DNAH12: variants seen among roughly 807,000 people sequenced by gnomAD.
DNAH12 encodes axonemal beta dynein heavy chain 12.
In DNAH12, 285 loss-of-function variants were observed where a neutral mutation model predicts 371.5. The observed-to-expected ratio is 0.77, with a 90% CI of 0.70 to 0.85. The LOEUF (loss-of-function observed/expected upper bound fraction) is 0.85, where lower values mean the gene tolerates loss of function less well. DNAH12 is among the 40% of genes least tolerant of loss of function. The pLI is 0.00. For synonymous variants in DNAH12, 1,200 were observed against 1,213.0 expected, an observed-to-expected ratio of 0.99 and a Z score of 0.22; for missense variants, 3,611 against 3,689.4, an observed-to-expected ratio of 0.98 and a Z score of 0.55.
intron 52 of DNAH12, among the ~76,000 whole-genome samples, chr3:57,378,820 C>G (rs2063331784): frequency 6.6e-6 from 1 of 152,186 alleles, no homozygotes; most frequent in Non-Finnish European, 1.5e-5. Flanking sequence ...TAATCTGGCA[C>G]TTTCCCCTTG....
In DNAH12 at chr3:57,314,717, T is replaced by A. The variant is rs890304424; in HGVS notation, c.10525-86A>T. The A allele has an allele frequency of 5.8e-6, 8 of 1,374,458 alleles. No homozygotes were observed. The African/African-American group carries it at 5.9e-5, about 10-fold the overall frequency. The allele number at this position is 1,374,458 out of a possible 1,614,324, so 85.1% of individuals were successfully genotyped here. A position where few individuals can be genotyped will look rare whatever the true frequency, so the allele number is the denominator to read the frequency against. Reference sequence around the variant, plus strand: ...GAGAGGAATAGATAAATGATCTTTCTCACAAGATTCTGTGATCACGTATCT... The same window carrying A: ...GAGAGGAATAGATAAATGATCTTTCACACAAGATTCTGTGATCACGTATCT... On this transcript the variant is annotated intron_variant, in intron 65 of 73. Coordinates refer to ENST00000495027, the MANE Select transcript of DNAH12 (RefSeq NM_001366028.2).
chr3:57,376,221 G>GAAA (rs1182466919), intron 53 of DNAH12, among the ~76,000 whole-genome samples: 3 of 138,174 alleles, frequency 2.2e-5, no homozygotes, highest in African/African-American at 7.9e-5. Flanking sequence ...TTCAGAAAAA[G>GAAA]AAAAAAAAAA....
intron 55 of DNAH12, among the ~76,000 whole-genome samples, chr3:57,373,318 A>ATTTT (rs36162551): frequency 6.9e-6 from 1 of 144,236 alleles, no homozygotes; most frequent in African/African-American, 2.6e-5. Flanking sequence ...TACTCAACTG[A>ATTTT]TTTTTTTTTT....
intron 43 of DNAH12, among the ~76,000 whole-genome samples, chr3:57,397,063 A>G (rs1217485431): frequency 6.6e-6 from 1 of 152,208 alleles, no homozygotes; most frequent in African/African-American, 2.4e-5. Flanking sequence ...GAATATTATG[A>G]AAATCCTTAC....
intron 20 of DNAH12, among the ~76,000 whole-genome samples, chr3:57,459,248 T>C (rs934519054): frequency 1.8e-4 from 27 of 152,134 alleles, no homozygotes; most frequent in Non-Finnish European, 3.1e-4. Context: ...TCATTCTCTC[T>C]CCCTCTCTCT....
intron 4 of DNAH12, among the ~76,000 whole-genome samples, chr3:57,516,272 C>T (rs1310440998): frequency 2.6e-5 from 4 of 151,736 alleles, no homozygotes; most frequent in African/African-American, 9.7e-5. Context: ...CCATGTTGGT[C>T]AGGCTGGTCT....
intron 60 of DNAH12, among the ~76,000 whole-genome samples, chr3:57,336,984 C>A (rs371136094): frequency 6.6e-6 from 1 of 152,016 alleles, no homozygotes; most frequent in East Asian, 1.9e-4. Flanking sequence ...TAAAAAACAC[C>A]CAACTATATG....
intron 69 of DNAH12, among the ~76,000 whole-genome samples, chr3:57,302,230 G>A (rs939543926): frequency 1.3e-5 from 2 of 152,042 alleles, no homozygotes; most frequent in African/African-American, 4.8e-5. Flanking sequence ...AGCAGACAAT[G>A]ATTTAAGGAA....
Position 57,311,022 on chromosome 3 carries a change from C to CTATG in DNAH12, c.10663-73_10663-72insCATA, listed in dbSNP as rs201313670. ...CTTCATTTCCATTTTAAGTATGTAT[C>CTATG]TATCTATCTAGAAAGGGGGTTGAAA... On this transcript the variant is annotated intron_variant, in intron 66 of 73. Coordinates refer to ENST00000495027, the MANE Select transcript of DNAH12 (RefSeq NM_001366028.2). 704 of 1,051,476 alleles carry CTATG rather than the reference C, an allele frequency of 6.7e-4. 10 individuals are homozygous for CTATG. In the African/African-American group the frequency reaches 9.7e-3, roughly 14 times the overall value. 65.1% of individuals were successfully genotyped at this position (1,051,476 alleles called of 1,614,324 possible). A position where few individuals can be genotyped will look rare whatever the true frequency, so the allele number is the denominator to read the frequency against.
intron 60 of DNAH12, among the ~76,000 whole-genome samples, chr3:57,335,175 T>G (rs2062194638): frequency 6.6e-6 from 1 of 152,322 alleles, no homozygotes; most frequent in East Asian, 1.9e-4. Flanking sequence ...TCCCCGTTCC[T>G]CAGCAGGCTG....
At chr3:57,410,347 A>G (rs1367500829) in intron 39 of DNAH12, among the ~76,000 whole-genome samples, 1 of 151,946 alleles carries the variant, frequency 6.6e-6, no homozygotes, top group Non-Finnish European at 1.5e-5. Flanking sequence ...GCGATCTTTG[A>G]TGTTACTATT....
At chr3:57,489,291 A>T (rs543855756) in intron 12 of DNAH12, among the ~76,000 whole-genome samples, 22 of 152,184 alleles carry the variant, frequency 1.4e-4, no homozygotes, top group South Asian at 4.2e-4. Flanking sequence ...TTTCTTTTTT[A>T]AAAAAATCCT....
Position 57,359,394 on chromosome 3 carries a change from T to TA in DNAH12, c.9361-2047dup, listed in dbSNP as rs1256404042. 4.1e-3 allele frequency among the ~76,000 whole-genome samples: 626 copies of TA among 151,598 alleles called. 5 individuals carry two copies. Among genetic ancestry groups the TA allele is most frequent in the African/African-American group, 0.014 (595 of 41,392 alleles). ...GACCAATATGGAGAAACCCCATCTCTACTAAAAATACAAAATTAGCCGGAC... is the reference window on the plus strand; with the variant it reads ...GACCAATATGGAGAAACCCCATCTCTAACTAAAAATACAAAATTAGCCGGAC... On this transcript the variant is annotated intron_variant, in intron 58 of 73. Coordinates refer to ENST00000495027, the MANE Select transcript of DNAH12 (RefSeq NM_001366028.2).
chr3:57,359,109 C>T (rs2062863446), intron 58 of DNAH12, among the ~76,000 whole-genome samples: 5 of 151,904 alleles, frequency 3.3e-5, no homozygotes, highest in Non-Finnish European at 7.4e-5. Context: ...TAAATAATAA[C>T]TTAATTAGTA....
chr3:57,344,329 T>G lies in DNAH12; in HGVS notation c.9674+7756A>C, dbSNP rs543439921. 2.7e-5 allele frequency among the ~76,000 whole-genome samples: 4 copies of G among 146,628 alleles called. No homozygotes were observed. The East Asian group carries it at 7.9e-4, about 29-fold the overall frequency. The stretch of plus-strand genomic sequence containing the variant: ...GGATGCAGAGAAAAGGGAACTCTTA[T>G]GCACTGTTGGTAGGATTGTAAACTA... On this transcript the variant is annotated intron_variant, in intron 60 of 73. Transcript: ENST00000495027.
rs1208452583 is a variant in DNAH12 at position 57,450,860 on chromosome 3, CTG to C, written c.3786+1981_3786+1982del. ...AGCCATTGCATTCATCCCCCATTTG[CTG>C]TGTCAGTTGCAAATAGTTCACAGCT... is the stretch of plus-strand genomic sequence containing the variant. On this transcript the variant is annotated intron_variant, in intron 25 of 73. Coordinates refer to ENST00000495027, the MANE Select transcript of DNAH12 (RefSeq NM_001366028.2). Among the ~76,000 whole-genome samples the C allele has an allele frequency of 2.6e-5, 4 of 152,348 alleles. No individual in the cohort carries two copies. The East Asian group carries it at 7.7e-4, about 29-fold the overall frequency.
chr3:57,521,882 T>C (rs537728846), intron 4 of DNAH12, among the ~76,000 whole-genome samples: 23 of 151,810 alleles, frequency 1.5e-4, no homozygotes, highest in African/African-American at 4.6e-4. Flanking sequence ...AGGGAGACTG[T>C]GTCTCAAAAA....
chr3:57,322,911 C>T, intron 64 of DNAH12, 96 bp downstream of exon 64: 2 of 1,452,340 alleles, frequency 1.4e-6, no homozygotes, highest in Non-Finnish European at 1.8e-6. Flanking sequence ...GCCTGGGAGA[C>T]AGAGTAAGAC....
At chr3:57,513,284 G>A (rs764776207) in intron 4 of DNAH12, among the ~76,000 whole-genome samples, 6 of 152,034 alleles carry the variant, frequency 3.9e-5, no homozygotes, top group African/African-American at 9.7e-5. Context: ...ACCAAACACC[G>A]CATGTTCTCA....
Sources: gnomAD v4.1 joint callset for allele counts (sites outside exome capture counted in the v4.1 genomes callset) on GRCh38, gnomAD v4.1.1 for gene constraint, MANE v1.5 for transcripts, NCBI Gene and HGNC (gene_info 2026-07-23, HGNC 2026-07-21) for gene names.